Variants in KIAA1614 observed in about 807,000 individuals in gnomAD.
The protein encoded by KIAA1614 is KIAA1614.
Under a neutral mutation model 88.7 loss-of-function variants are expected in KIAA1614, and 76 were observed. That is an observed-to-expected ratio of 0.86 (90% CI 0.71 to 1.04). The LOEUF (loss-of-function observed/expected upper bound fraction) is 1.04, where lower values mean the gene tolerates loss of function less well. Among genes scored for constraint, KIAA1614 ranks in the 50% least tolerant of loss-of-function variants. KIAA1614 has a pLI of 0.00. For synonymous variants in KIAA1614, 714 were observed against 675.5 expected (o/e 1.06, Z -0.88); for missense variants, 1,553 against 1,582.5 (o/e 0.98, Z 0.32).
At chr1:180,924,434 A>G (rs1460441755) in intron 3 of KIAA1614, among the ~76,000 whole-genome samples, 1 of 152,212 alleles carries the variant, frequency 6.6e-6, no homozygotes, top group Non-Finnish European at 1.5e-5. Context: ...ATCTTCAGGA[A>G]GGCAGGGGCA....
Position 180,935,384 on chromosome 1 carries a change from C to T in KIAA1614, c.1475C>T (p.Pro492Leu), listed in dbSNP as rs2102269612. 1 of 1,467,764 alleles carries T rather than the reference C, an allele frequency of 6.8e-7. No individual in the cohort carries two copies. The allele number at this position is 1,467,764 out of a possible 1,614,324, so 90.9% of individuals were successfully genotyped here. ...GACCAGGGCCCCCTGCGCTCCAAGC[C>T]CGACCTCGCCGACTACATCAACGGG... is the stretch of plus-strand genomic sequence containing the variant. ...AADQGPLRSK[P>L]DLADYINGAP... The change falls in exon 5 of 9, where the codon CCC becomes CTC. Residue 492 changes from proline (P) to leucine (L), a missense_variant. Pro to Leu is a moderately conservative substitution (Grantham distance 98). Coordinates refer to ENST00000367588, the MANE Select transcript of KIAA1614 (RefSeq NM_020950.2). The surrounding 1 kb of genome is among the most constrained non-coding windows in gnomAD (Gnocchi z 6.1).
At chr1:180,924,446 G>A (rs1172076763) in intron 3 of KIAA1614, among the ~76,000 whole-genome samples, 3 of 152,202 alleles carry the variant, frequency 2.0e-5, no homozygotes, top group African/African-American at 7.2e-5. Flanking sequence ...GCAGGGGCAG[G>A]GTGGCTCTGC....
At chr1:180,944,191 G>A in intron 7 of KIAA1614, 198 bp from the exon 8 acceptor site, 2 of 441,284 alleles carry the variant, frequency 4.5e-6, no homozygotes, top group South Asian at 6.8e-5. Context: ...AAACTCCCTT[G>A]ACTCCTCAGA....
intron 4 of KIAA1614, among the ~76,000 whole-genome samples, chr1:180,932,690 G>A (rs1037664235): frequency 6.6e-6 from 1 of 152,160 alleles, no homozygotes; most frequent in Non-Finnish European, 1.5e-5. Context: ...TACTTGCTTA[G>A]GAGGAGTTTG....
At chr1:180,928,129 G>C (rs1450840280) in intron 3 of KIAA1614, 2 of 289,170 alleles carry the variant, frequency 6.9e-6, no homozygotes, top group Admixed American at 5.2e-5. Context: ...ATAATCTGGA[G>C]ACTCTCCTAC....
intron 7 of KIAA1614, among the ~76,000 whole-genome samples, chr1:180,943,550 C>CTTGTTTTTTTTTTTT (rs1654517908): frequency 1.0e-5 from 1 of 98,186 alleles, no homozygotes; most frequent in Non-Finnish European, 1.9e-5. Flanking sequence ...GGTAGTAGAT[C>CTTGTTTTTTTTTTTT]TTTTTTTTTT....
Position 180,950,323 on chromosome 1 carries a change from C to T in KIAA1614, c.*4735C>T. 8.5e-7 allele frequency: 1 copy of T among 1,169,702 alleles called. No individual in the cohort carries two copies. The highest frequency in any genetic ancestry group is 1.7e-5 in the African/African-American group (1 of 60,516). 72.5% of individuals were successfully genotyped at this position (1,169,702 alleles called of 1,614,324 possible). A position where few individuals can be genotyped will look rare whatever the true frequency, so the allele number is the denominator to read the frequency against. ...GATTTGGGTGTCATTGTGAAATTCT[C>T]CTGTTTTCCTCTGCAGGGATCTACG... On this transcript the variant is annotated 3_prime_UTR_variant, in exon 9 of 9. Coordinates refer to ENST00000367588, the MANE Select transcript of KIAA1614 (RefSeq NM_020950.2).
chr1:180,933,269 C>T (rs1377314180), intron 4 of KIAA1614, among the ~76,000 whole-genome samples: 1 of 152,164 alleles, frequency 6.6e-6, no homozygotes, highest in Non-Finnish European at 1.5e-5. Context: ...GGCCTGGAGG[C>T]CCTGAAGGCC....
intron 4 of KIAA1614, among the ~76,000 whole-genome samples, chr1:180,934,565 G>C (rs1233517804): frequency 6.6e-6 from 1 of 152,152 alleles, no homozygotes; most frequent in Non-Finnish European, 1.5e-5. Context: ...ACTCCAGCCT[G>C]GGCATCATAG....
intron 1 of KIAA1614, 116 bp downstream of exon 1, chr1:180,913,409 C>A: frequency 1.6e-6 from 1 of 615,902 alleles, no homozygotes; most frequent in Non-Finnish European, 2.3e-6. Flanking sequence ...CCCACGGGCT[C>A]GGAGCTGGAA....
chr1:180,935,630 G>T lies in KIAA1614; in HGVS notation c.1721G>T (p.Gly574Val). 1 of 1,611,854 alleles carries T rather than the reference G, an allele frequency of 6.2e-7. No homozygotes were observed. Among genetic ancestry groups the T allele is most frequent in the Non-Finnish European group, 8.5e-7 (1 of 1,179,186 alleles). Residue 574 changes from glycine to valine, a missense_variant, in exon 5 of 9, where the codon GGT becomes GTT. Physicochemically the swap from Gly to Val is moderately radical, Grantham distance 109. Transcript: ENST00000367588. This position sits in a 1 kb window ranked among gnomAD's most constrained non-coding sequence, Gnocchi z 6.1. ...QAACGMERVL[G>V]GLSSPLRLLP... ...GCCTGTGGGATGGAGAGGGTGCTGG[G>T]TGGCCTGAGCTCCCCACTCCGGCTC...
rs1274675439 is a variant in KIAA1614 at position 180,916,311 on chromosome 1, C to T, written c.208C>T (p.Pro70Ser). The change falls in exon 2 of 9, where the codon CCC (proline) becomes TCC (serine). Residue 70 changes from proline to serine, a missense_variant. Pro to Ser is a moderately conservative substitution (Grantham distance 74, BLOSUM62 -1). Coordinates refer to ENST00000367588, the MANE Select transcript of KIAA1614 (RefSeq NM_020950.2). ...ATCCAGCCTGATGGCCCCCCAGCCT[C>T]CCAGGGTATGGGGAGTACAGCTCCA... The part of the protein sequence containing the change: ...RTSSLMAPQP[P>S]RVWGVQLQGP... 2 of 1,613,994 alleles carry T rather than the reference C, an allele frequency of 1.2e-6. No homozygotes were observed. The highest frequency in any genetic ancestry group is 8.5e-7 in the Non-Finnish European group (1 of 1,179,980).
chr1:180,923,679 GA>G (rs1571287289), intron 3 of KIAA1614, among the ~76,000 whole-genome samples: 1 of 152,182 alleles, frequency 6.6e-6, no homozygotes, highest in Non-Finnish European at 1.5e-5. Context: ...AAGGCTCTCA[GA>G]AATGTCTGGC....
At chr1:180,930,989 G>A (rs1342883733) in intron 4 of KIAA1614, among the ~76,000 whole-genome samples, 1 of 152,316 alleles carries the variant, frequency 6.6e-6, no homozygotes, top group African/African-American at 2.4e-5. Flanking sequence ...GAGCAGCTTG[G>A]TGAAAGGTGA....
At chr1:180,921,787 T>C (rs561805301) in intron 3 of KIAA1614, among the ~76,000 whole-genome samples, 1 of 152,246 alleles carries the variant, frequency 6.6e-6, no homozygotes, top group East Asian at 1.9e-4. Context: ...ACGTTGGGCC[T>C]CACAGAGGGC....
At position 180,935,363 on chromosome 1, in the gene KIAA1614, AGG is replaced by A. The variant is rs1255085588; in HGVS notation, c.1456_1457del (p.Gly486ProfsTer133). The A allele has an allele frequency of 9.6e-6, 14 of 1,465,694 alleles. No homozygotes were observed. The highest frequency in any genetic ancestry group is 1.3e-5 in the Non-Finnish European group (14 of 1,114,356). 90.8% of individuals were successfully genotyped at this position (1,465,694 alleles called of 1,614,324 possible). On this transcript the variant is annotated frameshift_variant, in exon 5 of 9. Coordinates refer to ENST00000367588, the MANE Select transcript of KIAA1614 (RefSeq NM_020950.2). LOFTEE classifies it high-confidence loss of function. This position sits in a 1 kb window ranked among gnomAD's most constrained non-coding sequence, Gnocchi z 6.1. ...AGCACCGTGTTGCAGGCCGCGGACC[AGG>A]GCCCCCTGCGCTCCAAGCCCGACCT...
Position 180,917,015 on chromosome 1 carries a change from G to A in KIAA1614, c.912G>A (p.Leu304=). 6.2e-7 allele frequency: 1 copy of A among 1,614,016 alleles called. No homozygotes were observed. Among genetic ancestry groups the A allele is most frequent in the East Asian group, 2.2e-5 (1 of 44,882 alleles). Residue 304 remains leucine (L), a synonymous_variant, in exon 2 of 9, where the codon CTG becomes CTA. Transcript: ENST00000367588. ...SDRVERNRLL[L]QEMLNVSGQS... is the part of the protein sequence containing the mutation. ...GGGTGGAGAGAAACCGCCTGTTGCT[G>A]CAGGAGATGCTCAACGTTTCTGGGC...
At chr1:180,922,906 G>A (rs976270070) in intron 3 of KIAA1614, among the ~76,000 whole-genome samples, 2 of 152,206 alleles carry the variant, frequency 1.3e-5, no homozygotes, top group African/African-American at 4.8e-5. Flanking sequence ...CAAGTCCCAG[G>A]TTGTGACCTG....
intron 3 of KIAA1614, among the ~76,000 whole-genome samples, chr1:180,925,974 C>T (rs1181486865): frequency 6.6e-6 from 1 of 152,176 alleles, no homozygotes; most frequent in Non-Finnish European, 1.5e-5. Flanking sequence ...CCCTCTCCAG[C>T]CCCCACTGCT....
Sources: gnomAD v4.1 joint callset for allele counts (sites outside exome capture counted in the v4.1 genomes callset) on GRCh38, gnomAD v4.1.1 for gene constraint, Gnocchi (gnomAD v3.1) non-coding constraint, MANE v1.5 for transcripts, NCBI Gene and HGNC (gene_info 2026-07-23, HGNC 2026-07-21) for gene names.